The following CFAP91 variants were observed in gnomAD, a reference collection of about 807,000 sequenced individuals.
The protein encoded by CFAP91 is cilia- and flagella-associated protein 91.
CFAP91 carries 85 observed loss-of-function variants against 95.9 expected under a neutral mutation model. The observed-to-expected ratio is 0.89, with a 90% CI of 0.74 to 1.06. The LOEUF (loss-of-function observed/expected upper bound fraction) is 1.06, where lower values mean the gene tolerates loss of function less well. Among genes scored for constraint, CFAP91 ranks in the 50% least tolerant of loss-of-function variants. The pLI is 0.00. For missense variants in CFAP91, 962 were observed against 943.4 expected (o/e 1.02, Z -0.26); for synonymous variants, 335 against 327.5 (o/e 1.02, Z -0.25).
At chr3:119,760,598 A>G (rs1472168739) in intron 17 of CFAP91, among the ~76,000 whole-genome samples, 1 of 151,766 alleles carries the variant, frequency 6.6e-6, no homozygotes, top group Non-Finnish European at 1.5e-5. Flanking sequence ...CTTCTCAAAT[A>G]CACACAGAAC....
intron 10 of CFAP91, 130 bp downstream of exon 10, chr3:119,733,636 A>T: frequency 1.1e-6 from 1 of 918,662 alleles, no homozygotes; most frequent in South Asian, 1.8e-5. Context: ...CACTTTTCTG[A>T]GGTTGCCCAT....
At chr3:119,703,263 C>T (rs1339144283) in intron 1 of CFAP91, 41 bp downstream of exon 1, 2 of 1,603,518 alleles carry the variant, frequency 1.2e-6, no homozygotes, top group Non-Finnish European at 1.7e-6. Flanking sequence ...CCGTCGCCTC[C>T]TAGGCCAGGT....
In CFAP91 at chr3:119,714,221, C is replaced by A. The variant is rs549761783; in HGVS notation, c.501-1341C>A. Among the ~76,000 whole-genome samples the A allele has an allele frequency of 3.9e-3, 596 of 152,014 alleles. 9 individuals are homozygous for A. The highest frequency in any genetic ancestry group is 0.013 in the African/African-American group (551 of 41,464). The stretch of plus-strand genomic sequence containing the variant: ...ACTAAAAATACAAAAAAAAAATTAG[C>A]CGGGCGTGGTGGCGGGCACCTGTAG... On this transcript the variant is annotated intron_variant, in intron 5 of 17. Transcript: ENST00000273390.
intron 11 of CFAP91, among the ~76,000 whole-genome samples, chr3:119,737,830 G>A (rs2054039831): frequency 6.6e-6 from 1 of 152,230 alleles, no homozygotes; most frequent in African/African-American, 2.4e-5. Context: ...GCTGATGACT[G>A]TTGGAGTCGA....
intron 1 of CFAP91, among the ~76,000 whole-genome samples, chr3:119,704,889 A>C (rs1194165196): frequency 6.6e-6 from 1 of 152,218 alleles, no homozygotes; most frequent in Non-Finnish European, 1.5e-5. Flanking sequence ...ACAACTGTCT[A>C]CAGTATTCAG....
intron 7 of CFAP91, among the ~76,000 whole-genome samples, chr3:119,729,652 A>T (rs1286060294): frequency 6.6e-6 from 1 of 152,136 alleles, no homozygotes; most frequent in Non-Finnish European, 1.5e-5. Context: ...TCAAAAAAAA[A>T]AAAAGAAAGA....
rs543079211 is a variant in CFAP91, at chr3:119,766,593, A to G, written c.*1543A>G. 2.0e-5 allele frequency: 3 copies of G among 152,214 alleles called. No homozygotes were observed. The East Asian group carries it at 5.8e-4, about 29-fold the overall frequency. 9.4% of individuals were successfully genotyped at this position (152,214 alleles called of 1,614,324 possible). On this transcript the variant is annotated 3_prime_UTR_variant, in exon 18 of 18. Transcript: ENST00000273390. ...GGATAGAAGGTGGGAGGGGAATGCT[A>G]TACAGCTGGGAACAGCAGACTTTCT...
intron 14 of CFAP91, among the ~76,000 whole-genome samples, chr3:119,745,505 C>A (rs550998495): frequency 2.0e-5 from 3 of 152,314 alleles, no homozygotes; most frequent in African/African-American, 7.2e-5. Flanking sequence ...CACATACATA[C>A]ACGCACAAAC....
chr3:119,731,105 G>A (rs1422323936), intron 8 of CFAP91, among the ~76,000 whole-genome samples: 1 of 151,986 alleles, frequency 6.6e-6, no homozygotes, highest in East Asian at 1.9e-4. Flanking sequence ...TGATGTAATG[G>A]TACACATCTG....
chr3:119,729,620 G>A (rs1456387660), intron 7 of CFAP91, among the ~76,000 whole-genome samples: 1 of 151,590 alleles, frequency 6.6e-6, no homozygotes, highest in East Asian at 1.9e-4. Flanking sequence ...CTCCAGCCTG[G>A]GCAACAGAGC....
Position 119,738,332 on chromosome 3 carries a change from C to CTTTTTTTTTTTTTTTTTTTTTT in CFAP91, c.1461+863_1461+884dup. On this transcript the variant is annotated intron_variant, in intron 11 of 17. Transcript: ENST00000273390. ...TGCAGGGCTTTGGTTGACATATTGT[C>CTTTTTTTTTTTTTTTTTTTTTT]TTTTTTTTTTTTTTTTTTTTTTTTT... 3.5e-3 allele frequency among the ~76,000 whole-genome samples: 81 copies of CTTTTTTTTTTTTTTTTTTTTTT among 23,078 alleles called. 29 individuals are homozygous for CTTTTTTTTTTTTTTTTTTTTTT. The highest frequency in any genetic ancestry group is 6.0e-3 in the Admixed American group (7 of 1,176). The allele number at this position is 23,078 out of a possible 152,430, so 15.1% of individuals were successfully genotyped here.
At chr3:119,703,412 C>T (rs1174099443) in intron 1 of CFAP91, 190 bp downstream of exon 1, 2 of 797,102 alleles carry the variant, frequency 2.5e-6, no homozygotes, top group African/African-American at 3.5e-5. Context: ...AGGTTGGGGT[C>T]GGGGGTTCGG....
chr3:119,714,365 CAAAAAA>C (rs1265042198), intron 5 of CFAP91, among the ~76,000 whole-genome samples: 1 of 128,630 alleles, frequency 7.8e-6, no homozygotes, highest in Admixed American at 7.7e-5. Context: ...GACTCCGTCT[CAAAAAA>C]AAAAAAAAAA....
chr3:119,708,761 T>A, intron 4 of CFAP91, 87 bp downstream of exon 4: 1 of 805,078 alleles, frequency 1.2e-6, no homozygotes, highest in Non-Finnish European at 2.0e-6. Flanking sequence ...CATTTTTCAG[T>A]GCATACAACG....
At chr3:119,733,559 A>G in intron 10 of CFAP91, 53 bp downstream of exon 10, 1 of 1,573,148 alleles carries the variant, frequency 6.4e-7, no homozygotes, top group Non-Finnish European at 8.7e-7. Flanking sequence ...TTTGCAGATA[A>G]ATGCTACACT....
chr3:119,706,032 CAT>C (rs1335653312), intron 1 of CFAP91: 1 of 152,108 alleles, frequency 6.6e-6, no homozygotes, highest in Non-Finnish European at 1.5e-5. Context: ...TATGTGTTAC[CAT>C]GTTATCTAGA....
chr3:119,723,727 C>T (rs1325926466), intron 6 of CFAP91, among the ~76,000 whole-genome samples: 2 of 152,158 alleles, frequency 1.3e-5, no homozygotes, highest in South Asian at 2.1e-4. Context: ...CACAAAAATA[C>T]GAGGTTCAGA....
At chr3:119,738,563 T>G (rs893319427) in intron 11 of CFAP91, among the ~76,000 whole-genome samples, 1 of 151,606 alleles carries the variant, frequency 6.6e-6, no homozygotes, top group Non-Finnish European at 1.5e-5. Flanking sequence ...TGGCCAGGCT[T>G]GTCTCAAACT....
rs753795328 is a variant in CFAP91 at position 119,750,933 on chromosome 3, A to C, written c.2144-4A>C. ...ATGAAAATTTTTCTATTACTTTGGC[A>C]CAGTGAGGAACGCACAGCGGAAACA... On this transcript the variant is annotated splice_polypyrimidine_tract_variant and splice_region_variant and intron_variant, in intron 16 of 17. Coordinates refer to ENST00000273390, the MANE Select transcript of CFAP91 (RefSeq NM_033364.4). 63 of 1,613,762 alleles carry C rather than the reference A, an allele frequency of 3.9e-5. No individual in the cohort carries two copies. Among genetic ancestry groups the C allele is most frequent in the Non-Finnish European group, 4.8e-5 (57 of 1,179,826 alleles).
Sources: gnomAD v4.1 joint callset for allele counts (sites outside exome capture counted in the v4.1 genomes callset) on GRCh38, gnomAD v4.1.1 for gene constraint, MANE v1.5 for transcripts, NCBI Gene and HGNC (gene_info 2026-07-23, HGNC 2026-07-21) for gene names.